Variants in CCN5 observed in about 807,000 individuals in gnomAD.
The protein encoded by CCN5 is CCN family member 5.
A neutral mutation model predicts 18.7 loss-of-function variants in CCN5; 17 were observed. The observed-to-expected ratio is 0.91, with a 90% CI of 0.62 to 1.36. The LOEUF (loss-of-function observed/expected upper bound fraction) is 1.36, where lower values mean the gene tolerates loss of function less well. Among genes scored for constraint, CCN5 ranks in the 40% most tolerant of loss-of-function variants. The pLI, the probability that CCN5 is intolerant of heterozygous loss-of-function variation, is 0.00. For missense variants in CCN5, 367 were observed against 342.9 expected (o/e 1.07, Z -0.56); for synonymous variants, 135 against 145.2 (o/e 0.93, Z 0.50).
In CCN5 at chr20:44,724,769, CG is replaced by C. The variant is rs1420912153; in HGVS notation, c.311del (p.Gly104AlafsTer198). The C allele has an allele frequency of 5.6e-6, 9 of 1,612,294 alleles. No homozygotes were observed. The highest frequency in any genetic ancestry group is 1.3e-5 in the African/African-American group (1 of 74,922). ...AGGACGACAGCAGCTGTGAGGTGAA[CG>C]GCCGCCTGTATCGGGAAGGGGAGAC... ...AEDDSSCEVN[G>X]RLYREGETFQ... is the part of the protein sequence containing the mutation. On this transcript the variant is annotated frameshift_variant, in exon 3 of 4. Coordinates refer to ENST00000190983, the MANE Select transcript of CCN5 (RefSeq NM_003881.4). LOFTEE classifies it high-confidence loss of function.
intron 2 of CCN5, chr20:44,721,237 T>C (rs1402780882): frequency 6.6e-6 from 1 of 151,494 alleles, no homozygotes; most frequent in Non-Finnish European, 1.5e-5. Flanking sequence ...CCAGGCACAG[T>C]GACTCATGCC....
intron 1 of CCN5, among the ~76,000 whole-genome samples, chr20:44,716,119 G>C (rs1251904411): frequency 1.3e-5 from 2 of 152,200 alleles, no homozygotes; most frequent in African/African-American, 4.8e-5. Flanking sequence ...TTTCAGTCAA[G>C]TGAGGCTCAG....
chr20:44,717,519 C>CT (rs1387114387), intron 1 of CCN5, among the ~76,000 whole-genome samples: 1 of 152,172 alleles, frequency 6.6e-6, no homozygotes, highest in African/African-American at 2.4e-5. Context: ...AGCTGAACCT[C>CT]TGACTTAGAA....
chr20:44,727,020 G>C (rs2065940135), intron 3 of CCN5, 67 bp from the exon 4 acceptor site: 1 of 1,446,834 alleles, frequency 6.9e-7, no homozygotes, highest in African/African-American at 1.4e-5. Flanking sequence ...GTGGCCGCTG[G>C]CAGGTGGGTT....
chr20:44,719,795 G>A lies in CCN5; in HGVS notation c.61-102G>A, dbSNP rs2065884488. On this transcript the variant is annotated intron_variant, in intron 1 of 3. Transcript: ENST00000190983. ...GTCTGCATGGCTCTGAGGCTAAGGT[G>A]TGGACACCACACTACCCAGCCTGGC... 5.6e-6 allele frequency: 7 copies of A among 1,261,028 alleles called. No individual in the cohort carries two copies. The Admixed American group carries it at 9.8e-5, about 18-fold the overall frequency. 78.1% of individuals were successfully genotyped at this position (1,261,028 alleles called of 1,614,324 possible). A position where few individuals can be genotyped will look rare whatever the true frequency, so the allele number is the denominator to read the frequency against.
rs574268976 is a variant in CCN5 at position 44,726,222 on chromosome 20, G to A, written c.533-865G>A. ...CGTTATTATCCCTGTGATGGAATAT[G>A]ATATATCCATTTAAATACATAGGAA... is the stretch of plus-strand genomic sequence containing the variant. On this transcript the variant is annotated intron_variant, in intron 3 of 3. Transcript: ENST00000190983. 2.8e-3 allele frequency among the ~76,000 whole-genome samples: 432 copies of A among 152,292 alleles called. 3 individuals are homozygous for A. Among genetic ancestry groups the A allele is most frequent in the Non-Finnish European group, 5.1e-3 (346 of 68,030 alleles).
intron 2 of CCN5, 161 bp downstream of exon 2, chr20:44,720,274 C>T (rs947275287): frequency 2.2e-5 from 16 of 730,048 alleles, no homozygotes; most frequent in East Asian, 1.7e-4. Context: ...AGCCCACTCC[C>T]CACTCCCTCC....
In CCN5 at chr20:44,720,502, T is replaced by C. The variant is rs75697033; in HGVS notation, c.277+389T>C. ...AAGTGCAACCTTTTAGGGCATAATA[T>C]GTGTCCAGAACTGTGCTAAGCACTT... On this transcript the variant is annotated intron_variant, in intron 2 of 3. Transcript: ENST00000190983. 457 of 304,918 alleles carry C rather than the reference T, an allele frequency of 1.5e-3. 4 individuals are homozygous for C. Among genetic ancestry groups the C allele is most frequent in the Middle Eastern group, 5.0e-3 (5 of 1,002 alleles). 18.9% of individuals were successfully genotyped at this position (304,918 alleles called of 1,614,324 possible). A position where few individuals can be genotyped will look rare whatever the true frequency, so the allele number is the denominator to read the frequency against.
intron 1 of CCN5, among the ~76,000 whole-genome samples, chr20:44,716,102 C>T (rs1280260390): frequency 1.3e-5 from 2 of 152,110 alleles, no homozygotes; most frequent in African/African-American, 4.8e-5. Flanking sequence ...CAACTTGCAA[C>T]CCCAGTTTTC....
chr20:44,719,869 T>C (rs1336818750), intron 1 of CCN5, 28 bp from the exon 2 acceptor site: 4 of 1,602,812 alleles, frequency 2.5e-6, no homozygotes, highest in Admixed American at 1.7e-5. Context: ...CGAAAGCCCG[T>C]GGCTGAGTGA....
chr20:44,726,111 T>G (rs2065934621), intron 3 of CCN5, among the ~76,000 whole-genome samples: 2 of 152,180 alleles, frequency 1.3e-5, no homozygotes, highest in Non-Finnish European at 1.5e-5. Context: ...GAGCATCCAC[T>G]TCATAGCGTT....
Position 44,720,039 on chromosome 20 carries a change from A to C in CCN5, c.203A>C (p.His68Pro), listed in dbSNP as rs751411285. 1.9e-6 allele frequency: 3 copies of C among 1,597,774 alleles called. No homozygotes were observed. The highest frequency in any genetic ancestry group is 1.3e-5 in the African/African-American group (1 of 74,774). ...CTGGGGGAGCCCTGCGACCAACTCC[A>C]CGTCTGCGACGCCAGCCAGGGCCTG... Reference protein sequence around the residue: ...RRLGEPCDQLHVCDASQGLVC... With the variant: ...RRLGEPCDQLPVCDASQGLVC... Residue 68 changes from histidine to proline, a missense_variant, in exon 2 of 4, where the codon CAC becomes CCC. Physicochemically the swap from His to Pro is moderately conservative, Grantham distance 77. Coordinates refer to ENST00000190983, the MANE Select transcript of CCN5 (RefSeq NM_003881.4).
intron 2 of CCN5, 81 bp from the exon 3 acceptor site, chr20:44,724,657 G>A: frequency 6.3e-7 from 1 of 1,578,330 alleles, no homozygotes; most frequent in Non-Finnish European, 8.6e-7. Context: ...GCTGCCTCAG[G>A]CAGCGGGATC....
At chr20:44,721,172 T>C (rs1374799167) in intron 2 of CCN5, 1 of 152,106 alleles carries the variant, frequency 6.6e-6, no homozygotes, top group Non-Finnish European at 1.5e-5. Context: ...GAGAAGCTCA[T>C]GAATCATTGA....
intron 3 of CCN5, 125 bp downstream of exon 3, chr20:44,725,117 G>C (rs1422022318): frequency 7.7e-7 from 1 of 1,302,008 alleles, no homozygotes; most frequent in Non-Finnish European, 1.0e-6. Flanking sequence ...AGCTGGGAGG[G>C]GCGGAGGCTG....
At chr20:44,726,939 T>C (rs1332016779) in intron 3 of CCN5, 148 bp from the exon 4 acceptor site, 2 of 727,590 alleles carry the variant, frequency 2.7e-6, no homozygotes, top group Non-Finnish European at 4.4e-6. Flanking sequence ...TTCAATGCCA[T>C]CCACTGTTAA....
chr20:44,722,665 G>A (rs2065908393), intron 2 of CCN5, among the ~76,000 whole-genome samples: 1 of 151,792 alleles, frequency 6.6e-6, no homozygotes, highest in Non-Finnish European at 1.5e-5. Flanking sequence ...GTAGAGACGG[G>A]GTTTCACCAT....
At chr20:44,715,162 G>GATT (rs2065846851), upstream of CCN5, 2 of 556,212 alleles carry the variant, frequency 3.6e-6, no homozygotes, top group East Asian at 6.1e-5. Context: ...TCACCTTCAG[G>GATT]TAAATGGGCT....
upstream of CCN5, chr20:44,714,967 C>G (rs528954624): frequency 1.2e-5 from 2 of 173,334 alleles, no homozygotes; most frequent in South Asian, 2.7e-4. Flanking sequence ...GACAGGGGGT[C>G]TGGAATAGGG....
Sources: allele counts gnomAD v4.1 joint callset (sites outside exome capture counted in the v4.1 genomes callset), GRCh38; gene constraint gnomAD v4.1.1; transcripts MANE v1.5; gene names NCBI Gene and HGNC (gene_info 2026-07-23, HGNC 2026-07-21).